SMC5: variants seen among roughly 807,000 people sequenced by gnomAD.
The protein encoded by SMC5 is structural maintenance of chromosomes protein 5.
In SMC5, 88 loss-of-function variants were observed where a neutral mutation model predicts 148.3. The ratio of observed to expected loss-of-function variants is 0.59; its 90% CI spans 0.50 to 0.71. The LOEUF (loss-of-function observed/expected upper bound fraction) is 0.71. SMC5 is among the 30% of genes least tolerant of loss of function. SMC5 has a pLI of 0.00. For missense variants in SMC5, 1,142 were observed against 1,298.9 expected (o/e 0.88, Z 1.86); for synonymous variants, 421 against 432.8 (o/e 0.97, Z 0.34).
chr9:70,261,721 A>G (rs1269843461), intron 1 of SMC5, among the ~76,000 whole-genome samples: 1 of 152,186 alleles, frequency 6.6e-6, no homozygotes, highest in Non-Finnish European at 1.5e-5. Context: ...GAAGAACTAG[A>G]AGACCATGTA....
intron 11 of SMC5, among the ~76,000 whole-genome samples, chr9:70,306,909 T>A (rs1444270519): frequency 6.6e-6 from 1 of 152,200 alleles, no homozygotes; most frequent in African/African-American, 2.4e-5. Flanking sequence ...AGAGTACCAT[T>A]TCTCATCCTT....
rs193097925 is a variant in SMC5 at position 70,258,998 on chromosome 9, G to C, written c.-81G>C. 643 of 1,447,844 alleles carry C rather than the reference G, an allele frequency of 4.4e-4. No homozygotes were observed. The highest frequency in any genetic ancestry group is 5.5e-4 in the Non-Finnish European group (604 of 1,091,958). The allele number at this position is 1,447,844 out of a possible 1,614,324, so 89.7% of individuals were successfully genotyped here. On this transcript the variant is annotated 5_prime_UTR_variant, in exon 1 of 25. Coordinates refer to ENST00000361138, the MANE Select transcript of SMC5 (RefSeq NM_015110.4). ...GCGGCAGTTCGCGCGGGAGCGGGGC[G>C]CCTGGGTGGATGGGCGCTTGGGCGC...
chr9:70,325,818 A>G lies in SMC5; in HGVS notation c.2397+1675A>G, dbSNP rs192427482. 8.3e-4 allele frequency among the ~76,000 whole-genome samples: 127 copies of G among 152,302 alleles called. 3 individuals carry two copies. In the East Asian group the frequency reaches 0.02, roughly 24 times the overall value. On this transcript the variant is annotated intron_variant, in intron 17 of 24. Coordinates refer to ENST00000361138, the MANE Select transcript of SMC5 (RefSeq NM_015110.4). ...TTAGATGTTTTGGGAGAGGAAAATA[A>G]GAGAGATATTCAAAATTATTTATAG...
At chr9:70,309,454 A>T (rs1027362753) in intron 11 of SMC5, among the ~76,000 whole-genome samples, 2 of 149,656 alleles carry the variant, frequency 1.3e-5, no homozygotes, top group Non-Finnish European at 3.0e-5. Flanking sequence ...ACTTCTTTCA[A>T]AATTGGAGTT....
At chr9:70,352,147 T>G (rs1444390319) in intron 24 of SMC5, 44 bp from the exon 25 acceptor site, 1 of 1,495,070 alleles carries the variant, frequency 6.7e-7, no homozygotes, top group Non-Finnish European at 9.1e-7. Context: ...AAACTATACT[T>G]CTCAGTATAT....
At chr9:70,323,902 A>G in intron 16 of SMC5, 119 bp from the exon 17 acceptor site, 1 of 981,384 alleles carries the variant, frequency 1.0e-6, no homozygotes, top group Non-Finnish European at 1.5e-6. Context: ...GAGAGATGTC[A>G]GGCACAATAG....
intron 17 of SMC5, among the ~76,000 whole-genome samples, chr9:70,325,462 G>T (rs2036053953): frequency 6.6e-6 from 1 of 152,144 alleles, no homozygotes; most frequent in African/African-American, 2.4e-5. Context: ...CTCATTAGTT[G>T]TAGAACACTT....
chr9:70,336,303 G>GA (rs1043522978), intron 17 of SMC5, among the ~76,000 whole-genome samples: 3 of 152,100 alleles, frequency 2.0e-5, no homozygotes, highest in Admixed American at 6.6e-5. Flanking sequence ...TTTGACTTAA[G>GA]AAAAAAACAG....
rs768258324 is a variant in SMC5, at chr9:70,298,110, A to G, written c.1198A>G (p.Ile400Val). ...TENCENLQPQ[I>V]DAITNDLRRI... ...AAACTGCGAGAATCTTCAGCCCCAG[A>G]TTGATGCCATTACAAATGATCTGAG... Residue 400 changes from isoleucine (I) to valine (V), a missense_variant, in exon 9 of 25, where the codon ATT becomes GTT. Ile to Val is a conservative substitution (Grantham distance 29, BLOSUM62 3). Transcript: ENST00000361138. 6.2e-7 allele frequency: 1 copy of G among 1,614,106 alleles called. No individual in the cohort carries two copies. The highest frequency in any genetic ancestry group is 1.3e-5 in the African/African-American group (1 of 75,054).
intron 3 of SMC5, among the ~76,000 whole-genome samples, chr9:70,272,227 C>A (rs949644208): frequency 2.0e-5 from 3 of 152,142 alleles, no homozygotes; most frequent in African/African-American, 7.2e-5. Context: ...CTGAGGTAGA[C>A]AGACCTACTG....
chr9:70,278,446 A>G, intron 4 of SMC5, 45 bp from the exon 5 acceptor site: 1 of 1,577,640 alleles, frequency 6.3e-7, no homozygotes, highest in Middle Eastern at 1.7e-4. Context: ...TTGAAGATAT[A>G]TGTAAATGAA....
At chr9:70,267,143 G>T (rs1433115244) in intron 2 of SMC5, among the ~76,000 whole-genome samples, 1 of 150,598 alleles carries the variant, frequency 6.6e-6, no homozygotes, top group Non-Finnish European at 1.5e-5. Context: ...TACATGTTTA[G>T]TGCTTAGCAC....
At chr9:70,311,701 C>CAAAAAAAAAA (rs778113612) in intron 11 of SMC5, 1 of 97,504 alleles carries the variant, frequency 1.0e-5, no homozygotes. Flanking sequence ...TTTGACCAGC[C>CAAAAAAAAAA]AAAAAAAAAA....
At chr9:70,259,313 A>AGGCCCC in intron 1 of SMC5, 50 bp downstream of exon 1, 1 of 1,499,110 alleles carries the variant, frequency 6.7e-7, no homozygotes, top group Non-Finnish European at 8.9e-7. Flanking sequence ...GCTGGCCAGC[A>AGGCCCC]GGCCCCGGGG....
chr9:70,305,510 A>G (rs1476094037), intron 11 of SMC5, 150 bp downstream of exon 11: 2 of 537,430 alleles, frequency 3.7e-6, no homozygotes, highest in East Asian at 3.2e-5. Flanking sequence ...TTTCTTTCCT[A>G]TTTATGGCAT....
intron 17 of SMC5, among the ~76,000 whole-genome samples, chr9:70,338,638 C>T (rs2036429319): frequency 6.6e-6 from 1 of 152,212 alleles, no homozygotes; most frequent in Non-Finnish European, 1.5e-5. Context: ...CAACTTCTAG[C>T]CTTTTTTACC....
chr9:70,280,165 CAAAT>C (rs1264234682), intron 5 of SMC5, among the ~76,000 whole-genome samples: 3 of 152,136 alleles, frequency 2.0e-5, no homozygotes, highest in Non-Finnish European at 4.4e-5. Flanking sequence ...GTATGTCAAA[CAAAT>C]AGTTTCACTT....
chr9:70,351,696 G>T (rs1394318299), intron 24 of SMC5, among the ~76,000 whole-genome samples: 1 of 152,098 alleles, frequency 6.6e-6, no homozygotes, highest in East Asian at 1.9e-4. Context: ...TATTTTGATT[G>T]TTCCTTAGGC....
chr9:70,272,813 T>C (rs1158748991), intron 3 of SMC5, among the ~76,000 whole-genome samples: 1 of 152,166 alleles, frequency 6.6e-6, no homozygotes, highest in Non-Finnish European at 1.5e-5. Context: ...GTCAGAAGAA[T>C]ACAGTACTTG....
Sources: gnomAD v4.1 joint callset for allele counts (sites outside exome capture counted in the v4.1 genomes callset) on GRCh38, gnomAD v4.1.1 for gene constraint, MANE v1.5 for transcripts, NCBI Gene and HGNC (gene_info 2026-07-23, HGNC 2026-07-21) for gene names.